MGAT5B: variants seen among roughly 807,000 people sequenced by gnomAD.
MGAT5B encodes alpha-1,6-mannosylglycoprotein 6-beta-N-acetylglucosaminyltransferase B, also known as N-acetylglucosaminyl-transferase Vb.
A neutral mutation model predicts 95.1 loss-of-function variants in MGAT5B; 54 were observed. The observed-to-expected ratio is 0.57, with a 90% CI of 0.46 to 0.71. The LOEUF (loss-of-function observed/expected upper bound fraction) is 0.71. Among genes scored for constraint, MGAT5B ranks in the 30% least tolerant of loss-of-function variants. The pLI is 0.00. For missense variants in MGAT5B, 935 were observed against 1,088.6 expected, an observed-to-expected ratio of 0.86 and a Z score of 1.99; for synonymous variants, 464 against 451.0, an observed-to-expected ratio of 1.03 and a Z score of -0.36.
Position 76,906,288 on chromosome 17 carries a change from C to A in MGAT5B, c.1025+101C>A. 8.5e-7 allele frequency: 1 copy of A among 1,180,726 alleles called. No individual in the cohort carries two copies. The highest frequency in any genetic ancestry group is 1.2e-6 in the Non-Finnish European group (1 of 860,436). 73.1% of individuals were successfully genotyped at this position (1,180,726 alleles called of 1,614,324 possible). A position where few individuals can be genotyped will look rare whatever the true frequency, so the allele number is the denominator to read the frequency against. ...GGGGCTGTGGGAGCACCTGCTCTGCCTGCAGGTCCCACGGCCCTGAGACCC... is the reference window on the plus strand; with the variant it reads ...GGGGCTGTGGGAGCACCTGCTCTGCATGCAGGTCCCACGGCCCTGAGACCC... On this transcript the variant is annotated intron_variant, in intron 8 of 17. Coordinates refer to ENST00000569840, the MANE Select transcript of MGAT5B (RefSeq NM_001199172.2). This position sits in a 1 kb window ranked among gnomAD's most constrained non-coding sequence, Gnocchi z 4.6.
At chr17:76,879,389 G>GCCTGAT (rs1165524518) in intron 2 of MGAT5B, among the ~76,000 whole-genome samples, 10 of 152,224 alleles carry the variant, frequency 6.6e-5, no homozygotes, top group African/African-American at 2.4e-4. Flanking sequence ...GGTCAGTCAG[G>GCCTGAT]CCTGAGTGCT....
intron 3 of MGAT5B, among the ~76,000 whole-genome samples, chr17:76,900,937 TTGTG>T (rs757284179): frequency 3.4e-4 from 34 of 98,590 alleles, no homozygotes; most frequent in Non-Finnish European, 4.8e-4. Flanking sequence ...GCGTGCGTGT[TTGTG>T]TGTGAGTGTG....
chr17:76,883,187 A>G (rs1020037492), intron 3 of MGAT5B, among the ~76,000 whole-genome samples: 11 of 151,988 alleles, frequency 7.2e-5, no homozygotes, highest in Admixed American at 6.6e-4. Context: ...TTTAGTAGAG[A>G]TGGGGTTTCA....
At chr17:76,891,445 T>C (rs1023853544) in intron 3 of MGAT5B, among the ~76,000 whole-genome samples, 3 of 151,928 alleles carry the variant, frequency 2.0e-5, no homozygotes, top group African/African-American at 7.3e-5. Context: ...AGTGGTACAA[T>C]CTCGGCTCAC....
chr17:76,879,994 C>G (rs901436652), intron 2 of MGAT5B, among the ~76,000 whole-genome samples: 1 of 152,138 alleles, frequency 6.6e-6, no homozygotes, highest in African/African-American at 2.4e-5. Flanking sequence ...TCATCTAACG[C>G]TAGTATGAAA....
At position 76,940,576 on chromosome 17, in the gene MGAT5B, T is replaced by G. The variant is rs774638622; in HGVS notation, c.1731+28T>G. 10 of 1,595,956 alleles carry G rather than the reference T, an allele frequency of 6.3e-6. No individual in the cohort carries two copies. The South Asian group carries it at 1.0e-4, about 16-fold the overall frequency. ...GAGTGGAAAGCATCCTGGTCCCCGATCAGGAGGGGCCGGGACAGAGACCCC... is the reference window on the plus strand; with the variant it reads ...GAGTGGAAAGCATCCTGGTCCCCGAGCAGGAGGGGCCGGGACAGAGACCCC... On this transcript the variant is annotated intron_variant, in intron 14 of 17. Transcript: ENST00000569840. This position sits in a 1 kb window ranked among gnomAD's most constrained non-coding sequence, Gnocchi z 4.3.
At chr17:76,936,059 T>G (rs957344769) in intron 12 of MGAT5B, among the ~76,000 whole-genome samples, 8 of 150,634 alleles carry the variant, frequency 5.3e-5, no homozygotes, top group Non-Finnish European at 7.4e-5. Flanking sequence ...CCTCAGCCTC[T>G]CAAAGTGCTG....
chr17:76,872,237 C>T (rs1373118369), intron 1 of MGAT5B, among the ~76,000 whole-genome samples: 1 of 152,006 alleles, frequency 6.6e-6, no homozygotes, highest in East Asian at 1.9e-4. Flanking sequence ...GGACATCTTA[C>T]CATCTAGTGG....
At chr17:76,942,572 G>A (rs1394670830) in intron 15 of MGAT5B, among the ~76,000 whole-genome samples, 1 of 152,168 alleles carries the variant, frequency 6.6e-6, no homozygotes, top group Non-Finnish European at 1.5e-5. Flanking sequence ...CCTTGGCCAC[G>A]CCCTAGGAAG....
rs552025926 is a variant in MGAT5B, at chr17:76,945,389, A to G, written c.1849-987A>G. 8.5e-5 allele frequency among the ~76,000 whole-genome samples: 13 copies of G among 152,308 alleles called. No individual in the cohort carries two copies. In the South Asian group the frequency reaches 2.7e-3, roughly 32 times the overall value. ...ACTGCAACCTCCACCTCCCAGGTTC[A>G]AGTGATTCTCCTGCCTCAGCCTCCC... On this transcript the variant is annotated intron_variant, in intron 15 of 17. Transcript: ENST00000569840.
chr17:76,938,008 C>T lies in MGAT5B; in HGVS notation c.1449C>T (p.Gly483=). Residue 483 remains glycine (G), a synonymous_variant, in exon 13 of 18, where the codon GGC becomes GGT. Transcript: ENST00000569840. This position sits in a 1 kb window ranked among gnomAD's most constrained non-coding sequence, Gnocchi z 4.3. ...WKLQGKEKFL[G]ILNKYMEIHG... is the part of the protein sequence containing the mutation. Reference sequence around the variant, plus strand: ...TCCAGGGGAAGGAGAAGTTCCTGGGCATCCTGAACAAATACATGGAGATCC... The same window carrying T: ...TCCAGGGGAAGGAGAAGTTCCTGGGTATCCTGAACAAATACATGGAGATCC... 1.2e-6 allele frequency: 2 copies of T among 1,613,958 alleles called. No homozygotes were observed. Among genetic ancestry groups the T allele is most frequent in the Middle Eastern group, 1.7e-4 (1 of 6,060 alleles).
Position 76,948,084 on chromosome 17 carries a change from C to A in MGAT5B, c.2178C>A (p.Leu726=). The A allele has an allele frequency of 1.3e-6, 2 of 1,593,682 alleles. No homozygotes were observed. The highest frequency in any genetic ancestry group is 1.1e-5 in the South Asian group (1 of 87,812). The change falls in exon 17 of 18, where the codon CTC becomes CTA. Residue 726 remains leucine (L), a splice_region_variant and synonymous_variant. Coordinates refer to ENST00000569840, the MANE Select transcript of MGAT5B (RefSeq NM_001199172.2). The part of the protein sequence containing the change: ...FPFLNSQDAF[L]KLQVPCDSTE... ...TCCTGAACAGCCAGGACGCCTTCCT[C>A]AAGTGAGTGTTCCCCCACCCTCCCC...
Position 76,905,432 on chromosome 17 carries a change from G to A in MGAT5B, c.855+99G>A, listed in dbSNP as rs1454697207. ...TAGGTCTTCAAACAAGCTGTAGTGGGCTTCTGAATTTGATCAGAGGGAGAG... is the reference window on the plus strand; with the variant it reads ...TAGGTCTTCAAACAAGCTGTAGTGGACTTCTGAATTTGATCAGAGGGAGAG... On this transcript the variant is annotated intron_variant, in intron 7 of 17. Transcript: ENST00000569840. This position sits in a 1 kb window ranked among gnomAD's most constrained non-coding sequence, Gnocchi z 4.2. 1.8e-6 allele frequency: 2 copies of A among 1,111,894 alleles called. No individual in the cohort carries two copies. Among genetic ancestry groups the A allele is most frequent in the African/African-American group, 3.2e-5 (2 of 63,434 alleles). The allele number at this position is 1,111,894 out of a possible 1,614,324, so 68.9% of individuals were successfully genotyped here.
chr17:76,885,809 C>G (rs568339749), intron 3 of MGAT5B, among the ~76,000 whole-genome samples: 1 of 152,184 alleles, frequency 6.6e-6, no homozygotes, highest in Non-Finnish European at 1.5e-5. Flanking sequence ...ACTGCTGCCC[C>G]CTCCGCACCC....
Position 76,868,953 on chromosome 17 carries a change from C to G in MGAT5B, c.-77C>G, listed in dbSNP as rs983810510. ...CTTCGGCCCGCAGAGGGTTCGTGGC[C>G]CGGACGCGGCGAGAGCTGGGCCCAG... On this transcript the variant is annotated 5_prime_UTR_variant, in exon 1 of 18. Transcript: ENST00000569840. This position sits in a 1 kb window ranked among gnomAD's most constrained non-coding sequence, Gnocchi z 6.3. The G allele has an allele frequency of 6.8e-6, 10 of 1,462,590 alleles. No individual in the cohort carries two copies. In the African/African-American group the frequency reaches 1.1e-4, roughly 17 times the overall value. 90.6% of individuals were successfully genotyped at this position (1,462,590 alleles called of 1,614,324 possible). A position where few individuals can be genotyped will look rare whatever the true frequency, so the allele number is the denominator to read the frequency against.
At position 76,912,122 on chromosome 17, in the gene MGAT5B, C is replaced by T. The variant is rs934776530; in HGVS notation, c.1025+5935C>T. Among the ~76,000 whole-genome samples the T allele has an allele frequency of 2.6e-5, 4 of 152,200 alleles. No individual in the cohort carries two copies. The highest frequency in any genetic ancestry group is 2.0e-4 in the Admixed American group (3 of 15,276). On this transcript the variant is annotated intron_variant, in intron 8 of 17. Coordinates refer to ENST00000569840, the MANE Select transcript of MGAT5B (RefSeq NM_001199172.2). The surrounding 1 kb of genome is among the most constrained non-coding windows in gnomAD (Gnocchi z 5.0). ...TATAAGGACCTATTGGATTAGGGCC[C>T]ACCCTAATGCCCTCACGTTAACTCC...
At chr17:76,888,791 G>C (rs1967759867) in intron 3 of MGAT5B, among the ~76,000 whole-genome samples, 1 of 152,210 alleles carries the variant, frequency 6.6e-6, no homozygotes, top group Non-Finnish European at 1.5e-5. Context: ...TGCGGAACCA[G>C]AGTTCCCCAC....
rs1236006086 is a variant in MGAT5B at position 76,870,790 on chromosome 17, C to G, written c.68+1693C>G. 1.3e-5 allele frequency among the ~76,000 whole-genome samples: 2 copies of G among 152,078 alleles called. No individual in the cohort carries two copies. Among genetic ancestry groups the G allele is most frequent in the Non-Finnish European group, 2.9e-5 (2 of 68,008 alleles). Reference sequence around the variant, plus strand: ...CATAGCACCCCAGCTTATTCATCCTCAAAGGCAGGCTGGGGTCCTGTTCCC... The same window carrying G: ...CATAGCACCCCAGCTTATTCATCCTGAAAGGCAGGCTGGGGTCCTGTTCCC... On this transcript the variant is annotated intron_variant, in intron 1 of 17. Transcript: ENST00000569840. The surrounding 1 kb of genome is among the most constrained non-coding windows in gnomAD (Gnocchi z 5.0).
rs963472840 is a variant in MGAT5B at position 76,930,151 on chromosome 17, C to T, written c.1292-2494C>T. Among the ~76,000 whole-genome samples, 4 of 152,114 alleles carry T rather than the reference C, an allele frequency of 2.6e-5. No individual in the cohort carries two copies. Among genetic ancestry groups the T allele is most frequent in the Non-Finnish European group, 4.4e-5 (3 of 68,026 alleles). ...AGAACTCCAGGCTTCCAGGGCTCCT[C>T]CTGACCCTCCCAAAGCTCTAGAGGA... is the stretch of plus-strand genomic sequence containing the variant. On this transcript the variant is annotated intron_variant, in intron 10 of 17. Transcript: ENST00000569840. The surrounding 1 kb of genome is among the most constrained non-coding windows in gnomAD (Gnocchi z 4.1).
Sources: allele counts gnomAD v4.1 joint callset (sites outside exome capture counted in the v4.1 genomes callset), GRCh38; gene constraint gnomAD v4.1.1; non-coding constraint Gnocchi (gnomAD v3.1); transcripts MANE v1.5; gene names NCBI Gene and HGNC (gene_info 2026-07-23, HGNC 2026-07-21).